SRPK2: variants seen among roughly 807,000 people sequenced by gnomAD.
The protein encoded by SRPK2 is SFRS protein kinase 2.
In SRPK2, 21 loss-of-function variants were observed where a neutral mutation model predicts 90.8. The ratio of observed to expected loss-of-function variants is 0.23; its 90% CI spans 0.16 to 0.33. The LOEUF is 0.33. Among genes scored for constraint, SRPK2 ranks in the 10% least tolerant of loss-of-function variants. The pLI is 1.00. For synonymous variants in SRPK2, 288 were observed against 311.1 expected (o/e 0.93, Z 0.78); for missense variants, 620 against 869.0 (o/e 0.71, Z 3.60).
At chr7:105,203,532 G>T in intron 3 of SRPK2, 96 bp downstream of exon 3, 1 of 1,325,280 alleles carries the variant, frequency 7.5e-7, no homozygotes, top group Non-Finnish European at 9.9e-7. Flanking sequence ...CAAGCAATTT[G>T]CATCACTACC....
At position 105,280,947 on chromosome 7, in the gene SRPK2, C is replaced by CAAAAAAAAAAAAAA. The variant is rs1158350206; in HGVS notation, c.72-77176_72-77163dup. ...GGGCGACAGAGCGAAGACTCCATCT[C>CAAAAAAAAAAAAAA]AAAAAAAAAAAAAAAAAAAAAAAAA... On this transcript the variant is annotated intron_variant, in intron 2 of 15. Coordinates refer to ENST00000393651, the MANE Select transcript of SRPK2 (RefSeq NM_182692.3). Among the ~76,000 whole-genome samples the CAAAAAAAAAAAAAA allele has an allele frequency of 1.2e-4, 5 of 43,326 alleles. 1 individual carries two copies. Among genetic ancestry groups the CAAAAAAAAAAAAAA allele is most frequent in the Non-Finnish European group, 1.5e-4 (4 of 27,558 alleles). The allele number at this position is 43,326 out of a possible 152,430, so 28.4% of individuals were successfully genotyped here. A position where few individuals can be genotyped will look rare whatever the true frequency, so the allele number is the denominator to read the frequency against.
chr7:105,250,069 G>A (rs1027405731), intron 2 of SRPK2, among the ~76,000 whole-genome samples: 13 of 152,190 alleles, frequency 8.5e-5, no homozygotes, highest in African/African-American at 2.2e-4. Flanking sequence ...AGTGGCTCAC[G>A]CCTATAATCT....
At chr7:105,350,953 G>A (rs1412103974) in intron 2 of SRPK2, among the ~76,000 whole-genome samples, 1 of 152,058 alleles carries the variant, frequency 6.6e-6, no homozygotes, top group African/African-American at 2.4e-5. Context: ...TATCTTACGC[G>A]CTTTATCTAT....
In SRPK2 at chr7:105,124,324, A is replaced by G. The variant is rs559550270; in HGVS notation, c.1915+1924T>C. Reference sequence around the variant, plus strand: ...ACAGTATGGAGTCCTCGATCCCCTCAACAGACAGACGATTAACAAAGACAA... The same window carrying G: ...ACAGTATGGAGTCCTCGATCCCCTCGACAGACAGACGATTAACAAAGACAA... On this transcript the variant is annotated intron_variant, in intron 15 of 15. Transcript: ENST00000393651. 1.2e-4 allele frequency among the ~76,000 whole-genome samples: 19 copies of G among 152,262 alleles called. No homozygotes were observed. In the South Asian group the frequency reaches 3.9e-3, roughly 32 times the overall value.
downstream of SRPK2, among the ~76,000 whole-genome samples, chr7:105,116,123 G>C (rs1799608785): frequency 1.3e-5 from 2 of 152,148 alleles, no homozygotes; most frequent in Admixed American, 1.3e-4. Context: ...AATGCAGTTA[G>C]TATGTTTTTG....
chr7:105,203,808 G>A, intron 2 of SRPK2, 23 bp from the exon 3 acceptor site: 2 of 1,554,750 alleles, frequency 1.3e-6, no homozygotes, highest in Non-Finnish European at 1.7e-6. Flanking sequence ...AGAGAAAATT[G>A]CTATTTACTT....
intron 9 of SRPK2, chr7:105,143,693 A>G: frequency 4.5e-6 from 1 of 220,176 alleles, no homozygotes; most frequent in South Asian, 7.5e-5. Context: ...CAAAGTAACA[A>G]CATCCCAGCT....
In SRPK2 at chr7:105,376,142, C is replaced by G. The variant is rs939250732; in HGVS notation, c.71+12506G>C. Among the ~76,000 whole-genome samples, 14 of 151,480 alleles carry G rather than the reference C, an allele frequency of 9.2e-5. No homozygotes were observed. The East Asian group carries it at 2.7e-3, about 29-fold the overall frequency. On this transcript the variant is annotated intron_variant, in intron 2 of 15. Transcript: ENST00000393651. ...CCCGTGCAGCTGGGACTACAGGCGC[C>G]CGCCACCACACCCAGCAAATTTTTT...
intron 2 of SRPK2, among the ~76,000 whole-genome samples, chr7:105,303,427 C>T (rs888286049): frequency 6.6e-6 from 1 of 151,216 alleles, no homozygotes; most frequent in Non-Finnish European, 1.5e-5. Flanking sequence ...CAAACCTGCA[C>T]GTTGTGCACA....
At chr7:105,229,626 A>T (rs544611380) in intron 2 of SRPK2, among the ~76,000 whole-genome samples, 1 of 152,348 alleles carries the variant, frequency 6.6e-6, no homozygotes, top group East Asian at 1.9e-4. Flanking sequence ...GAGCGCAGGA[A>T]TAAAATTCTA....
At chr7:105,220,506 C>A (rs1356724237) in intron 2 of SRPK2, among the ~76,000 whole-genome samples, 2 of 152,064 alleles carry the variant, frequency 1.3e-5, no homozygotes, top group Non-Finnish European at 2.9e-5. Flanking sequence ...AGCCTGGCGA[C>A]AGAGCGAGAC....
intron 2 of SRPK2, among the ~76,000 whole-genome samples, chr7:105,306,084 T>TC (rs1325669501): frequency 1.3e-5 from 2 of 152,140 alleles, no homozygotes; most frequent in Non-Finnish European, 2.9e-5. Context: ...CATGCTCTGG[T>TC]CCCCTTCTAC....
At chr7:105,390,115 T>A (rs1822115101), upstream of SRPK2, among the ~76,000 whole-genome samples, 1 of 152,212 alleles carries the variant, frequency 6.6e-6, no homozygotes, top group South Asian at 2.1e-4. Context: ...TCACTTGAGT[T>A]TTTGTAGACA....
chr7:105,301,935 G>T, intron 2 of SRPK2: 1 of 1,609,510 alleles, frequency 6.2e-7, no homozygotes, highest in Non-Finnish European at 8.5e-7. Flanking sequence ...GCCCCATCAA[G>T]TAAGAAAAAA....
Position 105,362,202 on chromosome 7 carries a change from T to C in SRPK2, c.71+26446A>G, listed in dbSNP as rs559470103. On this transcript the variant is annotated intron_variant, in intron 2 of 15. Transcript: ENST00000393651. ...GACACTTCTCAAAAGAAGACATTTA[T>C]GCAGCCAACAGACACATGAAAAAAT... is the stretch of plus-strand genomic sequence containing the variant. Among the ~76,000 whole-genome samples the C allele has an allele frequency of 3.5e-3, 531 of 152,308 alleles. 2 individuals are homozygous for C. Among genetic ancestry groups the C allele is most frequent in the African/African-American group, 0.012 (504 of 41,568 alleles).
intron 2 of SRPK2, among the ~76,000 whole-genome samples, chr7:105,357,473 T>C (rs1817910972): frequency 6.6e-6 from 1 of 152,154 alleles, no homozygotes; most frequent in Non-Finnish European, 1.5e-5. Flanking sequence ...ACAATAAATA[T>C]CTCTTCACTA....
At chr7:105,119,533 G>C (rs1800027192) in intron 15 of SRPK2, among the ~76,000 whole-genome samples, 1 of 152,136 alleles carries the variant, frequency 6.6e-6, no homozygotes, top group Non-Finnish European at 1.5e-5. Flanking sequence ...CTTGCTAAAG[G>C]GGCTGAGATG....
At chr7:105,335,718 C>G (rs956630018) in intron 2 of SRPK2, among the ~76,000 whole-genome samples, 7 of 150,856 alleles carry the variant, frequency 4.6e-5, no homozygotes, top group Non-Finnish European at 1.0e-4. Flanking sequence ...CTTTGGGAGG[C>G]TGAGGCAGGC....
rs1190831109 is a variant in SRPK2, at chr7:105,220,491, A to G, written c.72-16706T>C. Among the ~76,000 whole-genome samples, 3 of 152,142 alleles carry G rather than the reference A, an allele frequency of 2.0e-5. No homozygotes were observed. In the East Asian group the frequency reaches 5.8e-4, roughly 29 times the overall value. ...CAGTGAGCTGAGATCGCACCACTGCACTCCAGCCTGGCGACAGAGCGAGAC... is the reference window on the plus strand; with the variant it reads ...CAGTGAGCTGAGATCGCACCACTGCGCTCCAGCCTGGCGACAGAGCGAGAC... On this transcript the variant is annotated intron_variant, in intron 2 of 15. Coordinates refer to ENST00000393651, the MANE Select transcript of SRPK2 (RefSeq NM_182692.3).
Sources: gnomAD v4.1 joint callset for allele counts (sites outside exome capture counted in the v4.1 genomes callset) on GRCh38, gnomAD v4.1.1 for gene constraint, MANE v1.5 for transcripts, NCBI Gene and HGNC (gene_info 2026-07-23, HGNC 2026-07-21) for gene names.